RSRC1: variants seen among roughly 807,000 people sequenced by gnomAD.
RSRC1 encodes the protein serine/Arginine-related protein 53.
RSRC1 carries 39 observed loss-of-function variants against 49.1 expected under a neutral mutation model. The observed-to-expected ratio is 0.79, with a 90% CI of 0.61 to 1.04. RSRC1 has a LOEUF of 1.04. Ranked by LOEUF, RSRC1 falls within the 50% of genes least tolerant of loss-of-function variation. The pLI, the probability that RSRC1 is intolerant of heterozygous loss-of-function variation, is 0.00. For synonymous variants in RSRC1, 143 were observed against 130.8 expected (o/e 1.09, Z -0.63); for missense variants, 388 against 402.4 (o/e 0.96, Z 0.31).
At chr3:158,185,701 A>G (rs1179400391) in intron 3 of RSRC1, among the ~76,000 whole-genome samples, 1 of 151,956 alleles carries the variant, frequency 6.6e-6, no homozygotes, top group African/African-American at 2.4e-5. Context: ...ACCAGCTGCT[A>G]AAAAAATTTC....
intron 7 of RSRC1, among the ~76,000 whole-genome samples, chr3:158,479,129 T>C (rs1738508386): frequency 6.6e-6 from 1 of 151,092 alleles, no homozygotes; most frequent in Non-Finnish European, 1.5e-5. Context: ...AAATAAAATA[T>C]GTTACTGCCT....
intron 6 of RSRC1, among the ~76,000 whole-genome samples, chr3:158,445,074 A>G (rs1183105044): frequency 6.6e-6 from 1 of 152,214 alleles, no homozygotes; most frequent in Non-Finnish European, 1.5e-5. Flanking sequence ...AACTAGTTCA[A>G]CCATTGTGAA....
intron 4 of RSRC1, among the ~76,000 whole-genome samples, chr3:158,209,525 G>A (rs1204128784): frequency 1.3e-5 from 2 of 152,036 alleles, no homozygotes; most frequent in Non-Finnish European, 2.9e-5. Context: ...TTCGTAATTT[G>A]AATAACTTTA....
intron 4 of RSRC1, among the ~76,000 whole-genome samples, chr3:158,225,005 T>G (rs1461716418): frequency 2.0e-5 from 3 of 151,908 alleles, no homozygotes; most frequent in Non-Finnish European, 4.4e-5. Flanking sequence ...CTCTTTCAAA[T>G]GAGGTTTTTG....
chr3:158,452,909 A>G (rs1334680772), intron 6 of RSRC1, among the ~76,000 whole-genome samples: 1 of 152,178 alleles, frequency 6.6e-6, no homozygotes, highest in Admixed American at 6.5e-5. Context: ...AGGCAAGTAA[A>G]CTAGTAGTTC....
intron 5 of RSRC1, among the ~76,000 whole-genome samples, chr3:158,339,655 G>T (rs1030026524): frequency 6.6e-6 from 1 of 152,114 alleles, no homozygotes; most frequent in Non-Finnish European, 1.5e-5. Context: ...ACACTAAGGA[G>T]GATTTTAAAG....
At chr3:158,440,128 T>G (rs1458800383) in intron 6 of RSRC1, among the ~76,000 whole-genome samples, 3 of 152,066 alleles carry the variant, frequency 2.0e-5, no homozygotes, top group African/African-American at 7.2e-5. Context: ...GAACTTAAAA[T>G]AAAATTTTTT....
chr3:158,277,966 A>G (rs1725911032), intron 4 of RSRC1, among the ~76,000 whole-genome samples: 1 of 152,182 alleles, frequency 6.6e-6, no homozygotes. Flanking sequence ...GAGCATTTTT[A>G]TGTCTACTGC....
intron 4 of RSRC1, among the ~76,000 whole-genome samples, chr3:158,269,960 A>G (rs1052808077): frequency 3.3e-5 from 5 of 152,220 alleles, no homozygotes; most frequent in African/African-American, 4.8e-5. Flanking sequence ...ATTGAAAGCA[A>G]ATATTTACTA....
At chr3:158,330,475 A>G (rs1559996507) in intron 5 of RSRC1, among the ~76,000 whole-genome samples, 2 of 152,186 alleles carry the variant, frequency 1.3e-5, no homozygotes, top group African/African-American at 4.8e-5. Context: ...TGTTCTTAAT[A>G]TATAGTACCC....
chr3:158,250,461 A>T (rs1318529018), intron 4 of RSRC1, among the ~76,000 whole-genome samples: 1 of 152,184 alleles, frequency 6.6e-6, no homozygotes, highest in African/African-American at 2.4e-5. Context: ...TTTTCTTCAC[A>T]TACTCACCAG....
chr3:158,492,849 C>T (rs1739144941), intron 7 of RSRC1, among the ~76,000 whole-genome samples: 1 of 152,140 alleles, frequency 6.6e-6, no homozygotes, highest in Admixed American at 6.5e-5. Context: ...ACCCTGCTCC[C>T]ACTCCTCCCC....
intron 5 of RSRC1, 149 bp from the exon 6 acceptor site, chr3:158,354,708 C>T (rs1731064299): frequency 1.6e-6 from 1 of 606,080 alleles, no homozygotes; most frequent in Non-Finnish European, 2.8e-6. Flanking sequence ...TATGCAAGTG[C>T]AAGATGTGAT....
chr3:158,469,449 G>A (rs919690650), intron 7 of RSRC1: 1 of 425,402 alleles, frequency 2.4e-6, no homozygotes, highest in African/African-American at 2.1e-5. Context: ...AGATGGATTA[G>A]TTAATACCAT....
chr3:158,376,544 A>G (rs1447224183), intron 6 of RSRC1, among the ~76,000 whole-genome samples: 1 of 151,952 alleles, frequency 6.6e-6, no homozygotes, highest in Non-Finnish European at 1.5e-5. Context: ...CCATCTCCTC[A>G]ACTAACTTGG....
At chr3:158,487,548 A>T (rs926448620) in intron 7 of RSRC1, among the ~76,000 whole-genome samples, 1 of 152,180 alleles carries the variant, frequency 6.6e-6, no homozygotes, top group Non-Finnish European at 1.5e-5. Context: ...CTAAGTCCTC[A>T]ACTGGCTATC....
At chr3:158,240,233 C>T (rs1723492312) in intron 4 of RSRC1, among the ~76,000 whole-genome samples, 1 of 151,994 alleles carries the variant, frequency 6.6e-6, no homozygotes, top group East Asian at 1.9e-4. Context: ...AATGGGAATT[C>T]TGCTAATATT....
chr3:158,363,269 CTTT>C (rs10635870), intron 6 of RSRC1, among the ~76,000 whole-genome samples: 1 of 141,418 alleles, frequency 7.1e-6, no homozygotes, highest in Non-Finnish European at 1.5e-5. Context: ...CTTTTTTTTT[CTTT>C]TTTTTTTTTT....
At chr3:158,336,596 G>T (rs1729905376) in intron 5 of RSRC1, 1 of 152,204 alleles carries the variant, frequency 6.6e-6, no homozygotes, top group East Asian at 1.9e-4. Flanking sequence ...GTTCTTGGTG[G>T]TGTGAAATCC....
Sources: allele counts gnomAD v4.1 joint callset (sites outside exome capture counted in the v4.1 genomes callset), GRCh38; gene constraint gnomAD v4.1.1; transcripts MANE v1.5; gene names NCBI Gene and HGNC (gene_info 2026-07-23, HGNC 2026-07-21).